The following RFX3 variants were observed in gnomAD, a reference collection of about 807,000 sequenced individuals.
RFX3 encodes transcription factor RFX3.
In RFX3, 14 loss-of-function variants were observed where a neutral mutation model predicts 98.6. That is an observed-to-expected ratio of 0.14 (90% CI 0.09 to 0.22). RFX3 has a LOEUF of 0.22. RFX3 is among the 10% of genes least tolerant of loss of function. The probability of loss-of-function intolerance (pLI) is 1.00; values close to 1 mark genes in which losing one functional copy is unlikely to be tolerated. For synonymous variants in RFX3, 383 were observed against 328.4 expected (o/e 1.17, Z -1.80); for missense variants, 639 against 926.9 (o/e 0.69, Z 4.03).
At chr9:3,500,384 C>T (rs376927694) in intron 1 of RFX3, among the ~76,000 whole-genome samples, 2 of 151,502 alleles carry the variant, frequency 1.3e-5, no homozygotes, top group East Asian at 1.9e-4. Context: ...ATTCATTTTC[C>T]GGATGAAAAG....
chr9:3,315,724 C>T (rs1830507091), intron 4 of RFX3, among the ~76,000 whole-genome samples: 1 of 152,096 alleles, frequency 6.6e-6, no homozygotes, highest in Non-Finnish European at 1.5e-5. Context: ...ATACAAACTA[C>T]CATCAGAAAA....
intron 15 of RFX3, among the ~76,000 whole-genome samples, chr9:3,242,360 G>C (rs551227026): frequency 1.1e-4 from 16 of 150,224 alleles, no homozygotes; most frequent in African/African-American, 3.9e-4. Context: ...TATAATTTTT[G>C]ACAAGTATTC....
At chr9:3,465,183 G>A (rs1236847010) in intron 1 of RFX3, among the ~76,000 whole-genome samples, 6 of 152,120 alleles carry the variant, frequency 3.9e-5, no homozygotes, top group Non-Finnish European at 8.8e-5. Flanking sequence ...TAAATCAAGA[G>A]TATCAGTAGT....
At chr9:3,367,399 T>G (rs1038803705) in intron 2 of RFX3, among the ~76,000 whole-genome samples, 1 of 152,068 alleles carries the variant, frequency 6.6e-6, no homozygotes, top group Non-Finnish European at 1.5e-5. Context: ...AATGGATCCT[T>G]CCCCAGGATC....
At chr9:3,486,581 T>TAG (rs1564164308) in intron 1 of RFX3, among the ~76,000 whole-genome samples, 1 of 152,178 alleles carries the variant, frequency 6.6e-6, no homozygotes, top group African/African-American at 2.4e-5. Flanking sequence ...TAATGAAACT[T>TAG]TATTAGTTCA....
chr9:3,507,401 A>C (rs1817207120), intron 1 of RFX3, among the ~76,000 whole-genome samples: 1 of 152,064 alleles, frequency 6.6e-6, no homozygotes, highest in Non-Finnish European at 1.5e-5. Context: ...TGTCAGGCAC[A>C]GTGCTATTTT....
chr9:3,305,633 A>G (rs1377898284), intron 4 of RFX3, among the ~76,000 whole-genome samples: 1 of 152,054 alleles, frequency 6.6e-6, no homozygotes, highest in African/African-American at 2.4e-5. Context: ...CATGATTCCA[A>G]ATGGATTACT....
intron 2 of RFX3, among the ~76,000 whole-genome samples, chr9:3,373,828 C>A (rs1838124044): frequency 6.6e-6 from 1 of 152,136 alleles, no homozygotes; most frequent in African/African-American, 2.4e-5. Context: ...CCTGTAATCC[C>A]AGCACTTTGG....
chr9:3,290,607 C>A (rs954885268), intron 6 of RFX3, among the ~76,000 whole-genome samples: 1 of 152,082 alleles, frequency 6.6e-6, no homozygotes, highest in African/African-American at 2.4e-5. Context: ...AAAGTTTTCT[C>A]AAGGGAATGA....
intron 1 of RFX3, among the ~76,000 whole-genome samples, chr9:3,430,550 C>A (rs1406592449): frequency 6.6e-6 from 1 of 152,062 alleles, no homozygotes; most frequent in South Asian, 2.1e-4. Flanking sequence ...CTATTGTTAT[C>A]CTTTTATTTC....
At chr9:3,279,919 A>G (rs1311444694) in intron 7 of RFX3, among the ~76,000 whole-genome samples, 1 of 151,902 alleles carries the variant, frequency 6.6e-6, no homozygotes, top group Non-Finnish European at 1.5e-5. Flanking sequence ...ATGCATCAAG[A>G]TCAACTTTTA....
At chr9:3,420,421 G>C (rs1843344884) in intron 1 of RFX3, among the ~76,000 whole-genome samples, 1 of 152,098 alleles carries the variant, frequency 6.6e-6, no homozygotes, top group African/African-American at 2.4e-5. Context: ...CTTAGCTACA[G>C]CTTTACTATT....
intron 1 of RFX3, among the ~76,000 whole-genome samples, chr9:3,473,182 A>G (rs1848933215): frequency 6.6e-6 from 1 of 152,192 alleles, no homozygotes; most frequent in Non-Finnish European, 1.5e-5. Flanking sequence ...GATTTCCCAA[A>G]TCAAAGTAGG....
intron 14 of RFX3, among the ~76,000 whole-genome samples, chr9:3,248,442 G>C (rs564606182): frequency 1.3e-5 from 2 of 152,194 alleles, no homozygotes; most frequent in African/African-American, 4.8e-5. Context: ...TACTATCATG[G>C]GCAAGTCTGC....
intron 15 of RFX3, among the ~76,000 whole-genome samples, chr9:3,245,734 T>C (rs1820573842): frequency 6.6e-6 from 1 of 152,210 alleles, no homozygotes. Context: ...TAGTGACAAT[T>C]GTTATTGTCT....
chr9:3,475,587 G>C (rs1298804461), intron 1 of RFX3, among the ~76,000 whole-genome samples: 2 of 152,332 alleles, frequency 1.3e-5, no homozygotes, highest in East Asian at 3.9e-4. Context: ...GTATGCAATA[G>C]CATACGCTAT....
At chr9:3,344,775 G>A in intron 3 of RFX3, 1 of 691,396 alleles carries the variant, frequency 1.4e-6, no homozygotes, top group Admixed American at 2.3e-5. Context: ...TTCCCTGAGA[G>A]CATAAAGGTC....
At chr9:3,515,713 C>G (rs944674913) in intron 1 of RFX3, among the ~76,000 whole-genome samples, 10 of 152,154 alleles carry the variant, frequency 6.6e-5, no homozygotes, top group Non-Finnish European at 1.0e-4. Context: ...TTAAAGTAAA[C>G]TATGCTGACT....
chr9:3,519,811 A>C (rs180855425), intron 1 of RFX3, among the ~76,000 whole-genome samples: 1 of 152,186 alleles, frequency 6.6e-6, no homozygotes, highest in Admixed American at 6.5e-5. Flanking sequence ...GTTTTCACTA[A>C]GAACACTCTG....
Sources: allele counts gnomAD v4.1 joint callset (sites outside exome capture counted in the v4.1 genomes callset), GRCh38; gene constraint gnomAD v4.1.1; transcripts MANE v1.5; gene names NCBI Gene and HGNC (gene_info 2026-07-23, HGNC 2026-07-21).